The following PDHX variants were observed in gnomAD, a reference collection of about 807,000 sequenced individuals.
PDHX encodes pyruvate dehydrogenase complex component X, also known as pyruvate dehydrogenase protein X component, mitochondrial.
A neutral mutation model predicts 55.3 loss-of-function variants in PDHX; 33 were observed. The observed-to-expected ratio is 0.60, with a 90% confidence interval of 0.45 to 0.80. The LOEUF is 0.80. Among genes scored for constraint, PDHX ranks in the 30% least tolerant of loss-of-function variants. The pLI, the probability that PDHX is intolerant of heterozygous loss-of-function variation, is 0.00. For missense variants in PDHX, 622 were observed against 619.9 expected (o/e 1.00, Z -0.04); for synonymous variants, 226 against 219.4 (o/e 1.03, Z -0.27).
chr11:34,963,773 G>A (rs2133978346), intron 5 of PDHX, among the ~76,000 whole-genome samples: 2 of 152,312 alleles, frequency 1.3e-5, no homozygotes, highest in South Asian at 4.1e-4. Flanking sequence ...TTGTACCAAA[G>A]AATATAGACT....
chr11:34,937,428 GC>G (rs779531166), intron 2 of PDHX, among the ~76,000 whole-genome samples: 5 of 145,698 alleles, frequency 3.4e-5, no homozygotes, highest in South Asian at 2.2e-4. Flanking sequence ...GAGCTGGAAG[GC>G]TGGAGTTGCT....
At chr11:34,927,020 AAG>A (rs1854041027) in intron 1 of PDHX, among the ~76,000 whole-genome samples, 1 of 152,010 alleles carries the variant, frequency 6.6e-6, no homozygotes. Context: ...GATGTAAAAA[AAG>A]AGTAAAATAG....
At chr11:34,918,027 G>A (rs1296337100) in intron 1 of PDHX, among the ~76,000 whole-genome samples, 2 of 152,170 alleles carry the variant, frequency 1.3e-5, no homozygotes, top group Non-Finnish European at 2.9e-5. Flanking sequence ...AATATTAAAA[G>A]TTTAGTATTG....
At chr11:34,959,454 G>A (rs995390751) in intron 4 of PDHX, among the ~76,000 whole-genome samples, 6 of 152,000 alleles carry the variant, frequency 3.9e-5, no homozygotes, top group Admixed American at 3.9e-4. Context: ...AACAAGTGTT[G>A]GCAAGGACAT....
At chr11:34,971,384 C>G (rs967499093) in intron 7 of PDHX, among the ~76,000 whole-genome samples, 1 of 151,890 alleles carries the variant, frequency 6.6e-6, no homozygotes, top group Non-Finnish European at 1.5e-5. Flanking sequence ...TTGCCTTGTT[C>G]TTGATTTTGG....
chr11:34,957,365 A>C lies in PDHX; in HGVS notation c.343-19A>C. ...CATGGGGTTTTACTTCTCTACAGTT[A>C]CTTCTTTTTTAAATATAGGTTGAAG... On this transcript the variant is annotated intron_variant, in intron 3 of 10. Transcript: ENST00000227868. 6.7e-7 allele frequency: 1 copy of C among 1,497,228 alleles called. No individual in the cohort carries two copies. Among genetic ancestry groups the C allele is most frequent in the Non-Finnish European group, 9.3e-7 (1 of 1,073,570 alleles). The allele number at this position is 1,497,228 out of a possible 1,614,324, so 92.7% of individuals were successfully genotyped here. A position where few individuals can be genotyped will look rare whatever the true frequency, so the allele number is the denominator to read the frequency against.
At chr11:34,916,124 G>A, upstream of PDHX, 6 of 1,447,990 alleles carry the variant, frequency 4.1e-6, no homozygotes, top group Non-Finnish European at 5.6e-6. Flanking sequence ...ACCCCGCCCC[G>A]CAGCTAAACG....
chr11:34,921,369 C>T (rs1040162168), intron 1 of PDHX, among the ~76,000 whole-genome samples: 20 of 152,124 alleles, frequency 1.3e-4, no homozygotes, highest in African/African-American at 4.1e-4. Flanking sequence ...GGCCTTTATG[C>T]ACGATGCGCT....
In PDHX at chr11:34,936,783, CTTTTTTT is replaced by C. The variant is rs58582234; in HGVS notation, c.241+5315_241+5321del. Reference sequence around the variant, plus strand: ...AATAGGAAGTGGTTTCTTTTCTTTTCTTTTTTTTTTTTTTTTTTTTTTCTGAGACAGA... The same window carrying C: ...AATAGGAAGTGGTTTCTTTTCTTTTCTTTTTTTTTTTTTTTCTGAGACAGA... On this transcript the variant is annotated intron_variant, in intron 2 of 10. Transcript: ENST00000227868. 4.2e-3 allele frequency among the ~76,000 whole-genome samples: 334 copies of C among 78,966 alleles called. 1 individual carries two copies. The highest frequency in any genetic ancestry group is 0.02 in the African/African-American group (318 of 15,796). The allele number at this position is 78,966 out of a possible 152,430, so 51.8% of individuals were successfully genotyped here.
intron 1 of PDHX, among the ~76,000 whole-genome samples, chr11:34,923,466 G>C (rs1434481181): frequency 6.6e-6 from 1 of 152,042 alleles, no homozygotes; most frequent in Non-Finnish European, 1.5e-5. Context: ...ATATAATTCT[G>C]AGTCCAGAGG....
intron 9 of PDHX, among the ~76,000 whole-genome samples, chr11:34,987,685 A>G (rs1183887543): frequency 6.6e-6 from 1 of 151,856 alleles, no homozygotes; most frequent in Non-Finnish European, 1.5e-5. Flanking sequence ...GCTGCTGTGG[A>G]TGAATAGGCA....
intron 9 of PDHX, among the ~76,000 whole-genome samples, chr11:34,989,061 G>A (rs1855707741): frequency 6.6e-6 from 1 of 152,212 alleles, no homozygotes; most frequent in African/African-American, 2.4e-5. Context: ...CATAGAGTGT[G>A]CTTACACAAA....
intron 7 of PDHX, among the ~76,000 whole-genome samples, chr11:34,974,387 C>G (rs917162420): frequency 1.2e-4 from 18 of 152,106 alleles, no homozygotes; most frequent in Non-Finnish European, 2.2e-4. Flanking sequence ...ATGTATCTAC[C>G]CTACTTTGTT....
chr11:34,932,799 T>G (rs914617860), intron 2 of PDHX, among the ~76,000 whole-genome samples: 12 of 152,242 alleles, frequency 7.9e-5, no homozygotes, highest in Non-Finnish European at 1.5e-4. Flanking sequence ...CTAGGCTGTT[T>G]ATCACAGCAC....
intron 6 of PDHX, among the ~76,000 whole-genome samples, chr11:34,969,675 C>T (rs1454120787): frequency 6.6e-6 from 1 of 152,028 alleles, no homozygotes; most frequent in Non-Finnish European, 1.5e-5. Context: ...ATATTTGTAA[C>T]AAAAGCTGCT....
At chr11:34,942,332 C>T (rs1854507717) in intron 2 of PDHX, among the ~76,000 whole-genome samples, 1 of 152,116 alleles carries the variant, frequency 6.6e-6, no homozygotes, top group Non-Finnish European at 1.5e-5. Context: ...GTATAGCTAA[C>T]ATTTTATTTT....
intron 2 of PDHX, among the ~76,000 whole-genome samples, chr11:34,942,290 A>G (rs566186093): frequency 3.3e-5 from 5 of 152,380 alleles, no homozygotes; most frequent in African/African-American, 1.2e-4. Context: ...ATGACAGAAT[A>G]TGGAATAAAT....
intron 1 of PDHX, among the ~76,000 whole-genome samples, chr11:34,921,545 A>G (rs983151701): frequency 1.7e-4 from 26 of 152,346 alleles, no homozygotes; most frequent in African/African-American, 6.0e-4. Flanking sequence ...TTGAGAATCA[A>G]TGATTGACAT....
chr11:34,923,508 A>G (rs922817869), intron 1 of PDHX, among the ~76,000 whole-genome samples: 5 of 152,150 alleles, frequency 3.3e-5, no homozygotes, highest in African/African-American at 1.2e-4. Flanking sequence ...GTCTGTAAAT[A>G]CCACCTAGTC....
Sources: allele counts gnomAD v4.1 joint callset (sites outside exome capture counted in the v4.1 genomes callset), GRCh38; gene constraint gnomAD v4.1.1; transcripts MANE v1.5; gene names NCBI Gene and HGNC (gene_info 2026-07-23, HGNC 2026-07-21).